Variants in ADGRF5 observed in about 807,000 individuals in gnomAD.
ADGRF5 encodes G-protein coupled receptor 116.
Under a neutral mutation model 132.3 loss-of-function variants are expected in ADGRF5, and 75 were observed. The ratio of observed to expected loss-of-function variants is 0.57; its 90% CI spans 0.47 to 0.69. The LOEUF is 0.69. Ranked by LOEUF, ADGRF5 falls within the 30% of genes least tolerant of loss-of-function variation. The pLI is 0.00. For synonymous variants in ADGRF5, 629 were observed against 597.6 expected, an observed-to-expected ratio of 1.05 and a Z score of -0.77; for missense variants, 1,516 against 1,630.6, an observed-to-expected ratio of 0.93 and a Z score of 1.21.
At position 46,877,784 on chromosome 6, in the gene ADGRF5, G is replaced by T. The variant is rs143284490; in HGVS notation, c.1240+418C>A. 1.7e-3 allele frequency among the ~76,000 whole-genome samples: 257 copies of T among 152,194 alleles called. 2 individuals carry two copies. Among genetic ancestry groups the T allele is most frequent in the African/African-American group, 6.2e-3 (256 of 41,514 alleles). On this transcript the variant is annotated intron_variant, in intron 10 of 20. Coordinates refer to ENST00000283296, the MANE Select transcript of ADGRF5 (RefSeq NM_001098518.2). The stretch of plus-strand genomic sequence containing the variant: ...GATACAAAGGCAGAGAAGTGAGAAG[G>T]ACCAGACACCAGGAGAAGAGACACA...
intron 1 of ADGRF5, among the ~76,000 whole-genome samples, chr6:46,942,367 A>G (rs562007768): frequency 1.3e-5 from 2 of 152,340 alleles, no homozygotes; most frequent in East Asian, 3.9e-4. Flanking sequence ...TTTGTTATGA[A>G]TGAATCCCTA....
At chr6:46,913,729 T>C (rs147009932) in intron 1 of ADGRF5, among the ~76,000 whole-genome samples, 2 of 152,216 alleles carry the variant, frequency 1.3e-5, no homozygotes, top group Non-Finnish European at 2.9e-5. Flanking sequence ...CGAAATTTGT[T>C]TGTAAATTGA....
In ADGRF5 at chr6:46,864,438, T is replaced by C. The variant is rs576089965; in HGVS notation, c.1990+604A>G. Among the ~76,000 whole-genome samples, 8 of 152,242 alleles carry C rather than the reference T, an allele frequency of 5.3e-5. No individual in the cohort carries two copies. The South Asian group carries it at 1.7e-3, about 32-fold the overall frequency. On this transcript the variant is annotated intron_variant, in intron 14 of 20. Coordinates refer to ENST00000283296, the MANE Select transcript of ADGRF5 (RefSeq NM_001098518.2). The stretch of plus-strand genomic sequence containing the variant: ...AAGGACCTCAACCACATTGATACTG[T>C]CCACTTCTAATCACCTGGTAAACTC...
At chr6:46,878,978 T>A (rs1772138313) in intron 9 of ADGRF5, among the ~76,000 whole-genome samples, 1 of 152,106 alleles carries the variant, frequency 6.6e-6, no homozygotes, top group South Asian at 2.1e-4. Context: ...AAGAGAGGGA[T>A]AACAGTGGAG....
chr6:46,952,598 G>A (rs369606855), intron 1 of ADGRF5, among the ~76,000 whole-genome samples: 1 of 152,254 alleles, frequency 6.6e-6, no homozygotes, highest in South Asian at 2.1e-4. Flanking sequence ...AAAGAAGAGT[G>A]TGGGAAAATG....
rs201798710 is a variant in ADGRF5 at position 46,871,914 on chromosome 6, T to C, written c.1340A>G (p.Tyr447Cys). Residue 447 changes from tyrosine to cysteine, a missense_variant, in exon 11 of 21, where the codon TAC (tyrosine) becomes TGC (cysteine). Tyr to Cys is a radical substitution (Grantham distance 194, BLOSUM62 -2). Around this residue, in one of 2 missense-constraint regions of ADGRF5, gnomAD observed 945 missense variants for 929.4 expected, o/e 1.02. Coordinates refer to ENST00000283296, the MANE Select transcript of ADGRF5 (RefSeq NM_001098518.2). The stretch of plus-strand genomic sequence containing the variant: ...ATAGGCACTGATGAACTCACAAGTG[T>C]AGATGACTGTTGTTCCAGACGACCC... ...PSGSSGTTVI[Y>C]TCEFISAYGA... 5.0e-6 allele frequency: 8 copies of C among 1,613,350 alleles called. No individual in the cohort carries two copies. The East Asian group carries it at 1.3e-4, about 27-fold the overall frequency.
At chr6:46,898,615 T>A (rs1301237809) in intron 3 of ADGRF5, among the ~76,000 whole-genome samples, 1 of 152,078 alleles carries the variant, frequency 6.6e-6, no homozygotes, top group Non-Finnish European at 1.5e-5. Context: ...CAAATAGTAT[T>A]TTAAGAGCTT....
intron 3 of ADGRF5, among the ~76,000 whole-genome samples, chr6:46,897,368 A>G (rs113036409): frequency 6.6e-6 from 1 of 152,080 alleles, no homozygotes; most frequent in Admixed American, 6.6e-5. Flanking sequence ...TTTCTCCTAG[A>G]ACCTTTGTAT....
chr6:46,903,067 G>A (rs977125768), intron 2 of ADGRF5, among the ~76,000 whole-genome samples: 1 of 152,208 alleles, frequency 6.6e-6, no homozygotes, highest in Admixed American at 6.5e-5. Context: ...TCTGGTAGTG[G>A]TGAGTGTCGT....
At chr6:46,863,358 G>A (rs1770017550) in intron 14 of ADGRF5, 1 of 544,512 alleles carries the variant, frequency 1.8e-6, no homozygotes, top group African/African-American at 1.9e-5. Flanking sequence ...ATTCTCAACT[G>A]TGACATATTA....
At chr6:46,862,811 T>A (rs1189730952) in intron 15 of ADGRF5, 77 bp downstream of exon 15, 7 of 846,138 alleles carry the variant, frequency 8.3e-6, no homozygotes, top group Non-Finnish European at 1.1e-5. Flanking sequence ...CAAACCCATT[T>A]TCCTAAGTGC....
At chr6:46,895,380 G>A (rs894913686) in intron 3 of ADGRF5, among the ~76,000 whole-genome samples, 1 of 151,688 alleles carries the variant, frequency 6.6e-6, no homozygotes, top group Non-Finnish European at 1.5e-5. Context: ...ATCACTGCCG[G>A]CTCAGAGCAC....
At chr6:46,923,448 G>A (rs931257042), upstream of ADGRF5, among the ~76,000 whole-genome samples, 1 of 152,182 alleles carries the variant, frequency 6.6e-6, no homozygotes, top group Non-Finnish European at 1.5e-5. Context: ...ACTTAGGCTT[G>A]AGACCAGAGT....
intron 3 of ADGRF5, among the ~76,000 whole-genome samples, chr6:46,898,916 T>C (rs1774458098): frequency 6.6e-6 from 1 of 152,246 alleles, no homozygotes; most frequent in Non-Finnish European, 1.5e-5. Context: ...AATGTGAACG[T>C]GCAAGTGCTT....
intron 1 of ADGRF5, among the ~76,000 whole-genome samples, chr6:46,918,751 G>A (rs1776638658): frequency 6.6e-6 from 1 of 152,220 alleles, no homozygotes; most frequent in African/African-American, 2.4e-5. Flanking sequence ...CTGATGTGCA[G>A]ATGTGTCTGT....
intron 1 of ADGRF5, among the ~76,000 whole-genome samples, chr6:46,909,651 G>A (rs1384586036): frequency 6.6e-6 from 1 of 152,116 alleles, no homozygotes; most frequent in African/African-American, 2.4e-5. Flanking sequence ...GCTTCACTGT[G>A]GAACTGGCCT....
At chr6:46,890,267 A>G (rs182677755) in intron 3 of ADGRF5, among the ~76,000 whole-genome samples, 2 of 151,792 alleles carry the variant, frequency 1.3e-5, no homozygotes, top group Admixed American at 6.6e-5. Flanking sequence ...TAATTTCTGT[A>G]CTTTTTGTAC....
At chr6:46,894,604 A>C (rs72856898) in intron 3 of ADGRF5, among the ~76,000 whole-genome samples, 2,008 of 152,326 alleles carry the variant, frequency 0.013, 20 homozygotes, top group Non-Finnish European at 0.022. Flanking sequence ...CATGTTGAAA[A>C]CTATAACTCA....
intron 14 of ADGRF5, 62 bp downstream of exon 14, chr6:46,864,980 G>A: frequency 8.9e-7 from 1 of 1,117,742 alleles, no homozygotes; most frequent in Non-Finnish European, 1.3e-6. Flanking sequence ...ATGAGGGAGT[G>A]AATAAATAAA....
Sources: gnomAD v4.1 joint callset for allele counts (sites outside exome capture counted in the v4.1 genomes callset) on GRCh38, gnomAD v4.1.1 for gene constraint, gnomAD v4.1.1 regional missense constraint, MANE v1.5 for transcripts, NCBI Gene and HGNC (gene_info 2026-07-23, HGNC 2026-07-21) for gene names.